Variants in FREM1 observed in about 807,000 individuals in gnomAD.
FREM1 encodes FRAS1 related extracellular matrix 1.
A neutral mutation model predicts 210.1 loss-of-function variants in FREM1; 220 were observed. The observed-to-expected ratio is 1.05, with a 90% CI of 0.94 to 1.17. The LOEUF is 1.17. Among genes scored for constraint, FREM1 ranks in the 50% most tolerant of loss-of-function variants. FREM1 has a pLI of 0.00. For synonymous variants in FREM1, 1,189 were observed against 980.2 expected (o/e 1.21, Z -3.98); for missense variants, 3,454 against 2,675.5 (o/e 1.29, Z -6.42).
intron 1 of FREM1, among the ~76,000 whole-genome samples, chr9:14,880,014 G>C (rs1834506510): frequency 1.3e-5 from 2 of 152,144 alleles, no homozygotes. Context: ...GTAGGGCCTT[G>C]TGGAGGCGTT....
chr9:14,744,411 C>T (rs1460226639), intron 35 of FREM1, among the ~76,000 whole-genome samples: 2 of 152,116 alleles, frequency 1.3e-5, no homozygotes, highest in Non-Finnish European at 2.9e-5. Context: ...AGTCATTCCA[C>T]AATCTTACCA....
intron 1 of FREM1, among the ~76,000 whole-genome samples, chr9:14,902,660 C>A (rs1361966266): frequency 6.6e-6 from 1 of 152,172 alleles, no homozygotes; most frequent in Non-Finnish European, 1.5e-5. Flanking sequence ...ACCACAGAGG[C>A]TCTACGGACA....
chr9:14,780,984 T>G (rs1031073316), intron 24 of FREM1, among the ~76,000 whole-genome samples: 1 of 152,172 alleles, frequency 6.6e-6, no homozygotes, highest in African/African-American at 2.4e-5. Flanking sequence ...TATGTAAAAC[T>G]GCTGGCCAAA....
intron 36 of FREM1, among the ~76,000 whole-genome samples, chr9:14,738,083 T>C (rs866717733): frequency 6.6e-6 from 1 of 152,208 alleles, no homozygotes; most frequent in East Asian, 1.9e-4. Flanking sequence ...TAGCTTACTA[T>C]GTATTATTTT....
intron 1 of FREM1, among the ~76,000 whole-genome samples, chr9:14,893,167 CTT>C (rs1307574530): frequency 8.0e-6 from 1 of 125,624 alleles, no homozygotes; most frequent in Admixed American, 8.0e-5. Context: ...TGACTTCTCT[CTT>C]TCTCTCTCTC....
At chr9:14,849,549 T>C (rs1027586235) in intron 6 of FREM1, among the ~76,000 whole-genome samples, 1 of 152,138 alleles carries the variant, frequency 6.6e-6, no homozygotes, top group Non-Finnish European at 1.5e-5. Context: ...ATGTGGTCCA[T>C]GGAAGAGGAT....
At chr9:14,848,912 A>G in intron 6 of FREM1, 139 bp from the exon 7 acceptor site, 1 of 495,556 alleles carries the variant, frequency 2.0e-6, no homozygotes, top group Non-Finnish European at 3.7e-6. Context: ...CATCTCATTT[A>G]GACATCCTGA....
At chr9:14,873,459 A>C (rs893204827) in intron 1 of FREM1, among the ~76,000 whole-genome samples, 14 of 152,042 alleles carry the variant, frequency 9.2e-5, no homozygotes, top group Non-Finnish European at 1.5e-4. Flanking sequence ...ATTTGTGTAG[A>C]GGTGTTTGCA....
intron 19 of FREM1, among the ~76,000 whole-genome samples, chr9:14,802,746 T>C (rs1817520068): frequency 1.3e-5 from 2 of 152,208 alleles, no homozygotes; most frequent in South Asian, 4.1e-4. Flanking sequence ...TACACATGCA[T>C]ATTGGTAATC....
intron 30 of FREM1, among the ~76,000 whole-genome samples, chr9:14,749,187 T>G (rs545672966): frequency 1.2e-4 from 19 of 152,238 alleles, no homozygotes; most frequent in African/African-American, 4.6e-4. Context: ...CATAAAAAAT[T>G]TGAGGGCAAA....
intron 1 of FREM1, among the ~76,000 whole-genome samples, chr9:14,871,450 CTTCTT>C (rs1325815782): frequency 6.6e-5 from 10 of 152,134 alleles, no homozygotes; most frequent in Non-Finnish European, 1.3e-4. Context: ...GCATAAATGT[CTTCTT>C]TTGAGAAGTG....
intron 1 of FREM1, among the ~76,000 whole-genome samples, chr9:14,894,114 A>C (rs994348407): frequency 6.6e-6 from 1 of 152,232 alleles, no homozygotes; most frequent in Non-Finnish European, 1.5e-5. Flanking sequence ...CAACAGTGAC[A>C]TTTGGCTTAT....
At chr9:14,843,508 TAG>T (rs1826052661) in intron 8 of FREM1, among the ~76,000 whole-genome samples, 2 of 151,992 alleles carry the variant, frequency 1.3e-5, no homozygotes, top group African/African-American at 4.8e-5. Flanking sequence ...GGTAGGTAGG[TAG>T]GTAGGTAGGT....
chr9:14,832,142 A>G (rs925074798), intron 10 of FREM1, among the ~76,000 whole-genome samples: 1 of 152,234 alleles, frequency 6.6e-6, no homozygotes, highest in South Asian at 2.1e-4. Context: ...TTTTGCAGCC[A>G]TATTGGGCAG....
chr9:14,849,728 C>T (rs1827328178), intron 6 of FREM1, among the ~76,000 whole-genome samples: 1 of 152,226 alleles, frequency 6.6e-6, no homozygotes, highest in Non-Finnish European at 1.5e-5. Context: ...CCAGTCCACA[C>T]AACCTGAAAA....
intron 27 of FREM1, 31 bp downstream of exon 27, chr9:14,769,693 A>G (rs1847172984): frequency 1.2e-6 from 2 of 1,607,498 alleles, no homozygotes; most frequent in African/African-American, 2.7e-5. Context: ...GATGTAACAT[A>G]TAGGACTACT....
intron 12 of FREM1, among the ~76,000 whole-genome samples, chr9:14,823,577 T>G (rs967729668): frequency 6.6e-6 from 1 of 152,174 alleles, no homozygotes; most frequent in African/African-American, 2.4e-5. Flanking sequence ...TGCCAACACC[T>G]TGATTTAAGA....
chr9:14,825,547 G>GTGTGTGTATATATA lies in FREM1; in HGVS notation c.1882-556_1882-555insTATATATACACACA. 3.7e-3 allele frequency among the ~76,000 whole-genome samples: 279 copies of GTGTGTGTATATATA among 75,886 alleles called. 5 individuals carry two copies. The highest frequency in any genetic ancestry group is 0.013 in the South Asian group (27 of 2,064). 49.8% of individuals were successfully genotyped at this position (75,886 alleles called of 152,430 possible). A position where few individuals can be genotyped will look rare whatever the true frequency, so the allele number is the denominator to read the frequency against. ...CATATATATATATATGTGTGTGTGTGTATATATATATATATATATATATAC... is the reference window on the plus strand; with the variant it reads ...CATATATATATATATGTGTGTGTGTGTGTGTGTATATATATATATATATATATATATATATATAC... On this transcript the variant is annotated intron_variant, in intron 10 of 36. Coordinates refer to ENST00000380880, the MANE Select transcript of FREM1 (RefSeq NM_001379081.2).
At chr9:14,770,111 A>T (rs1342122839) in intron 26 of FREM1, among the ~76,000 whole-genome samples, 1 of 152,196 alleles carries the variant, frequency 6.6e-6, no homozygotes, top group African/African-American at 2.4e-5. Flanking sequence ...AGAGAAGGAG[A>T]GTAGAAAGAT....
Sources: gnomAD v4.1 joint callset for allele counts (sites outside exome capture counted in the v4.1 genomes callset) on GRCh38, gnomAD v4.1.1 for gene constraint, MANE v1.5 for transcripts, NCBI Gene and HGNC (gene_info 2026-07-23, HGNC 2026-07-21) for gene names.